Variants in KCNMA1 observed in about 807,000 individuals in gnomAD.
KCNMA1 encodes the protein potassium calcium-activated channel subfamily M alpha 1, also known as Calcium-activated potassium channel subunit alpha-1.
A neutral mutation model predicts 140.0 loss-of-function variants in KCNMA1; 29 were observed. The observed-to-expected ratio is 0.21, with a 90% CI of 0.15 to 0.28. The LOEUF (loss-of-function observed/expected upper bound fraction) is 0.28, where lower values mean the gene tolerates loss of function less well. Among genes scored for constraint, KCNMA1 ranks in the 10% least tolerant of loss-of-function variants. The pLI, the probability that KCNMA1 is intolerant of heterozygous loss-of-function variation, is 1.00. For synonymous variants in KCNMA1, 612 were observed against 611.9 expected, an observed-to-expected ratio of 1.00 and a Z score of 0.00; for missense variants, 880 against 1,602.2, an observed-to-expected ratio of 0.55 and a Z score of 7.70.
At chr10:77,345,047 G>A (rs567508057) in intron 2 of KCNMA1, among the ~76,000 whole-genome samples, 1 of 152,170 alleles carries the variant, frequency 6.6e-6, no homozygotes, top group Non-Finnish European at 1.5e-5. Context: ...CTTGCTCAAG[G>A]TTATACAGAT....
intron 2 of KCNMA1, among the ~76,000 whole-genome samples, chr10:77,369,378 G>A (rs1477122737): frequency 6.6e-6 from 1 of 152,148 alleles, no homozygotes; most frequent in African/African-American, 2.4e-5. Context: ...GGGGACCTAG[G>A]TGCTGGAATT....
chr10:77,636,790 C>G (rs1364098669), intron 1 of KCNMA1: 4 of 1,454,242 alleles, frequency 2.8e-6, no homozygotes, highest in East Asian at 2.5e-5. Context: ...TCTGACCCCA[C>G]GAACTCATCT....
chr10:77,073,477 C>T (rs2096280275), intron 13 of KCNMA1, among the ~76,000 whole-genome samples: 1 of 152,122 alleles, frequency 6.6e-6, no homozygotes, highest in Admixed American at 6.5e-5. Context: ...CAAGTCCTCC[C>T]CTGGGTTTGT....
At chr10:77,590,462 C>T (rs1439932613) in intron 1 of KCNMA1, among the ~76,000 whole-genome samples, 1 of 152,226 alleles carries the variant, frequency 6.6e-6, no homozygotes, top group African/African-American at 2.4e-5. Context: ...AGAAATTGAG[C>T]ACAGCAGCTG....
At chr10:77,400,989 G>T (rs2096245476) in intron 2 of KCNMA1, among the ~76,000 whole-genome samples, 3 of 151,562 alleles carry the variant, frequency 2.0e-5, no homozygotes, top group African/African-American at 7.3e-5. Context: ...ACCACATCAG[G>T]AATCTGCTCC....
intron 1 of KCNMA1, among the ~76,000 whole-genome samples, chr10:77,499,575 A>T (rs1156370028): frequency 6.6e-6 from 1 of 152,154 alleles, no homozygotes; most frequent in Non-Finnish European, 1.5e-5. Flanking sequence ...CTGATATCTG[A>T]TGTCTCCTCT....
chr10:77,305,772 G>T (rs2077553204), intron 2 of KCNMA1, among the ~76,000 whole-genome samples: 1 of 152,174 alleles, frequency 6.6e-6, no homozygotes, highest in Non-Finnish European at 1.5e-5. Context: ...AGAACCACGT[G>T]TCTGACACCA....
intron 5 of KCNMA1, among the ~76,000 whole-genome samples, chr10:77,153,741 C>T (rs957668426): frequency 5.3e-5 from 8 of 152,082 alleles, no homozygotes; most frequent in Non-Finnish European, 1.0e-4. Flanking sequence ...ATGGTTTTCA[C>T]GTGTGATTTG....
chr10:77,441,521 G>T (rs934494495), intron 1 of KCNMA1, among the ~76,000 whole-genome samples: 1 of 152,142 alleles, frequency 6.6e-6, no homozygotes, highest in African/African-American at 2.4e-5. Flanking sequence ...GGCACTCTGC[G>T]TCATCAGGGA....
chr10:77,037,414 C>T (rs913706368), intron 15 of KCNMA1, among the ~76,000 whole-genome samples: 1 of 152,190 alleles, frequency 6.6e-6, no homozygotes, highest in Non-Finnish European at 1.5e-5. Flanking sequence ...ACGTGACATA[C>T]TACTATTTGG....
chr10:76,948,096 T>C (rs1046388708), intron 22 of KCNMA1, among the ~76,000 whole-genome samples: 10 of 152,180 alleles, frequency 6.6e-5, no homozygotes, highest in African/African-American at 2.4e-4. Flanking sequence ...CCTCCACCTC[T>C]CAGGCTCAAG....
intron 3 of KCNMA1, among the ~76,000 whole-genome samples, chr10:77,242,184 G>A (rs1038770751): frequency 6.6e-6 from 1 of 152,284 alleles, no homozygotes; most frequent in Middle Eastern, 3.4e-3. Context: ...AGATGCTTCT[G>A]GAAATTTCCA....
At chr10:77,278,655 A>G (rs551875930) in intron 2 of KCNMA1, among the ~76,000 whole-genome samples, 1 of 152,354 alleles carries the variant, frequency 6.6e-6, no homozygotes, top group South Asian at 2.1e-4. Context: ...TGCGGTCACC[A>G]AAAGCAAAGC....
At chr10:77,281,430 CT>C (rs2068555892) in intron 2 of KCNMA1, among the ~76,000 whole-genome samples, 1 of 152,210 alleles carries the variant, frequency 6.6e-6, no homozygotes, top group African/African-American at 2.4e-5. Context: ...ACCTATACAA[CT>C]GTACATGGTG....
At chr10:76,880,396 G>C (rs897744609), downstream of KCNMA1, among the ~76,000 whole-genome samples, 16 of 152,204 alleles carry the variant, frequency 1.1e-4, no homozygotes, top group East Asian at 1.9e-4. Flanking sequence ...CACACATTGT[G>C]GTGAGGAGTT....
chr10:77,570,699 G>A (rs557514089), intron 1 of KCNMA1, among the ~76,000 whole-genome samples: 2 of 150,994 alleles, frequency 1.3e-5, no homozygotes, highest in African/African-American at 4.9e-5. Flanking sequence ...TAACTAACCT[G>A]AACATTGTGC....
chr10:77,331,002 C>T (rs534000653), intron 2 of KCNMA1, among the ~76,000 whole-genome samples: 1 of 152,156 alleles, frequency 6.6e-6, no homozygotes, highest in South Asian at 2.1e-4. Context: ...TAGGGGAGCC[C>T]CATTCCCTCT....
At chr10:77,399,504 A>T (rs1236457320) in intron 2 of KCNMA1, among the ~76,000 whole-genome samples, 1 of 152,220 alleles carries the variant, frequency 6.6e-6, no homozygotes, top group African/African-American at 2.4e-5. Context: ...TTTAATGTAG[A>T]ATCCCTCAGC....
intron 12 of KCNMA1, among the ~76,000 whole-genome samples, chr10:77,081,246 CT>C (rs1284404474): frequency 6.6e-6 from 1 of 152,162 alleles, no homozygotes; most frequent in African/African-American, 2.4e-5. Flanking sequence ...CATCTGGACA[CT>C]GGGAGCAACA....
Sources: allele counts gnomAD v4.1 joint callset (sites outside exome capture counted in the v4.1 genomes callset), GRCh38; gene constraint gnomAD v4.1.1; transcripts MANE v1.5; gene names NCBI Gene and HGNC (gene_info 2026-07-23, HGNC 2026-07-21).